The following BAZ1B variants were observed in gnomAD, a reference collection of about 807,000 sequenced individuals.
The protein encoded by BAZ1B is bromodomain adjacent to zinc finger domain 1B.
A neutral mutation model predicts 153.8 loss-of-function variants in BAZ1B; 22 were observed. The ratio of observed to expected loss-of-function variants is 0.14; its 90% confidence interval spans 0.10 to 0.20. The LOEUF is 0.20. Among genes scored for constraint, BAZ1B ranks in the 10% least tolerant of loss-of-function variants. The pLI, the probability that BAZ1B is intolerant of heterozygous loss-of-function variation, is 1.00. For missense variants in BAZ1B, 1,325 were observed against 1,799.3 expected (o/e 0.74, Z 4.77); for synonymous variants, 676 against 633.4 (o/e 1.07, Z -1.01).
rs142198446 is a variant in BAZ1B at position 73,450,609 on chromosome 7, A to G, written c.3580+238T>C. On this transcript the variant is annotated intron_variant, in intron 14 of 19. Coordinates refer to ENST00000339594, the MANE Select transcript of BAZ1B (RefSeq NM_032408.4). The surrounding 1 kb of genome is among the most constrained non-coding windows in gnomAD (Gnocchi z 4.1). Reference sequence around the variant, plus strand: ...AATTTTGTTTTCTGTAAAAAATCAGAAGATTGAAGAGATCAATTGCTTTTA... The same window carrying G: ...AATTTTGTTTTCTGTAAAAAATCAGGAGATTGAAGAGATCAATTGCTTTTA... 2.8e-3 allele frequency among the ~76,000 whole-genome samples: 429 copies of G among 152,346 alleles called. 2 individuals carry two copies. Among genetic ancestry groups the G allele is most frequent in the African/African-American group, 0.01 (419 of 41,584 alleles).
chr7:73,455,113 C>T (rs1160221663), intron 13 of BAZ1B, among the ~76,000 whole-genome samples: 5 of 151,932 alleles, frequency 3.3e-5, no homozygotes, highest in Admixed American at 3.3e-4. Context: ...TCTCGAACTC[C>T]TGACCTCAAG....
At chr7:73,489,518 A>G (rs1168334306) in intron 5 of BAZ1B, 127 bp from the exon 6 acceptor site, 1 of 909,478 alleles carries the variant, frequency 1.1e-6, no homozygotes, top group Non-Finnish European at 1.7e-6. Context: ...TACAAATTAG[A>G]AAGAAAAATA....
At chr7:73,452,799 C>T (rs1318792491) in intron 13 of BAZ1B, among the ~76,000 whole-genome samples, 1 of 151,436 alleles carries the variant, frequency 6.6e-6, no homozygotes. Flanking sequence ...CAGATAAAAC[C>T]ATCATAAATT....
rs1787980061 is a variant in BAZ1B at position 73,450,053 on chromosome 7, T to C, written c.3581-364A>G. Reference sequence around the variant, plus strand: ...GCCTGATGAGTGTTCTCTCTCTCTCTTTTTTTTTTTTGGAGACAGAGTCTT... The same window carrying C: ...GCCTGATGAGTGTTCTCTCTCTCTCCTTTTTTTTTTTGGAGACAGAGTCTT... On this transcript the variant is annotated intron_variant, in intron 14 of 19. Transcript: ENST00000339594. The surrounding 1 kb of genome is among the most constrained non-coding windows in gnomAD (Gnocchi z 4.1). 7.7e-6 allele frequency among the ~76,000 whole-genome samples: 1 copy of C among 130,120 alleles called. No homozygotes were observed. Among genetic ancestry groups the C allele is most frequent in the South Asian group, 2.3e-4 (1 of 4,378 alleles). The allele number at this position is 130,120 out of a possible 152,430, so 85.4% of individuals were successfully genotyped here. A position where few individuals can be genotyped will look rare whatever the true frequency, so the allele number is the denominator to read the frequency against.
At chr7:73,462,630 T>C (rs1397779127) in intron 12 of BAZ1B, 2 of 360,930 alleles carry the variant, frequency 5.5e-6, no homozygotes, top group Non-Finnish European at 1.0e-5. Context: ...AGATGTTAAA[T>C]GATGCTATAC....
chr7:73,511,383 T>C (rs1052515443), intron 1 of BAZ1B, among the ~76,000 whole-genome samples: 6 of 151,932 alleles, frequency 3.9e-5, no homozygotes, highest in Non-Finnish European at 8.8e-5. Flanking sequence ...GCATGGGATT[T>C]ACAGACTGGG....
intron 8 of BAZ1B, among the ~76,000 whole-genome samples, chr7:73,470,116 T>G (rs554652168): frequency 6.6e-6 from 1 of 152,222 alleles, no homozygotes; most frequent in East Asian, 1.9e-4. Flanking sequence ...ATCACCATCA[T>G]GTAAGCTTCC....
chr7:73,510,890 C>T (rs1554578481), intron 1 of BAZ1B, 38 bp from the exon 2 acceptor site: 2 of 1,547,610 alleles, frequency 1.3e-6, no homozygotes, highest in South Asian at 1.1e-5. Context: ...ATGCAAGCAA[C>T]AGAGACGACA....
Position 73,461,571 on chromosome 7 carries a change from A to G in BAZ1B, c.3249+1351T>C, listed in dbSNP as rs545092921. ...ATAATTCTTTTTAAAAAAATCATTA[A>G]GAACCATAAAGATGTTTAAATCCTT... On this transcript the variant is annotated intron_variant, in intron 12 of 19. Transcript: ENST00000339594. 9.2e-5 allele frequency among the ~76,000 whole-genome samples: 14 copies of G among 152,356 alleles called. No homozygotes were observed. The South Asian group carries it at 2.9e-3, about 32-fold the overall frequency.
intron 3 of BAZ1B, among the ~76,000 whole-genome samples, chr7:73,505,299 C>A (rs1452456415): frequency 6.6e-6 from 1 of 152,122 alleles, no homozygotes; most frequent in Non-Finnish European, 1.5e-5. Flanking sequence ...TTTTTCACAA[C>A]TCAGGGGACA....
intron 6 of BAZ1B, among the ~76,000 whole-genome samples, chr7:73,485,051 C>T (rs1293807264): frequency 1.3e-5 from 2 of 152,058 alleles, no homozygotes; most frequent in South Asian, 4.2e-4. Flanking sequence ...ATGTTAACTT[C>T]CTGATTTTGA....
rs201245049 is a variant in BAZ1B at position 73,499,336 on chromosome 7, A to T, written c.370-638T>A. On this transcript the variant is annotated intron_variant, in intron 3 of 19. Coordinates refer to ENST00000339594, the MANE Select transcript of BAZ1B (RefSeq NM_032408.4). The stretch of plus-strand genomic sequence containing the variant: ...AGCCACGGTGCCTGGCCTACATTTT[A>T]AAAAAAAGAAATCAACTGTATATGG... 3.4e-5 allele frequency among the ~76,000 whole-genome samples: 5 copies of T among 147,946 alleles called. No individual in the cohort carries two copies. The East Asian group carries it at 7.7e-4, about 23-fold the overall frequency.
At chr7:73,493,043 T>C (rs911785074) in intron 4 of BAZ1B, 122 bp from the exon 5 acceptor site, 5 of 1,016,848 alleles carry the variant, frequency 4.9e-6, no homozygotes, top group Non-Finnish European at 7.0e-6. Flanking sequence ...AGTACAAAAA[T>C]GAATCATAAT....
intron 7 of BAZ1B, among the ~76,000 whole-genome samples, 199 bp from the exon 8 acceptor site, chr7:73,470,682 G>A (rs2116315725): frequency 6.6e-6 from 1 of 152,216 alleles, no homozygotes. Context: ...TGAATTTGTG[G>A]TGACATCTCA....
At chr7:73,442,643 T>C in intron 18 of BAZ1B, 82 bp downstream of exon 18, 3 of 1,548,038 alleles carry the variant, frequency 1.9e-6, no homozygotes, top group South Asian at 1.2e-5. Context: ...AGGGCTTGGC[T>C]GAGAGCCCCT....
intron 1 of BAZ1B, among the ~76,000 whole-genome samples, chr7:73,516,908 T>C (rs1295741253): frequency 2.6e-5 from 4 of 150,964 alleles, no homozygotes; most frequent in African/African-American, 9.7e-5. Flanking sequence ...AGGCTGGGCA[T>C]GGTGGCTCAC....
chr7:73,494,774 T>TGTA (rs1789807668), intron 4 of BAZ1B, among the ~76,000 whole-genome samples: 2 of 152,132 alleles, frequency 1.3e-5, no homozygotes, highest in South Asian at 4.1e-4. Context: ...TCTGAACTAA[T>TGTA]GTAACTGTAA....
intron 6 of BAZ1B, among the ~76,000 whole-genome samples, chr7:73,484,263 A>C (rs1789311186): frequency 6.6e-6 from 1 of 151,872 alleles, no homozygotes; most frequent in African/African-American, 2.4e-5. Flanking sequence ...AGACTCTGTC[A>C]AAGGAAGGAA....
At chr7:73,442,156 TG>T in intron 19 of BAZ1B, 24 bp downstream of exon 19, 2 of 332,020 alleles carry the variant, frequency 6.0e-6, no homozygotes, top group Non-Finnish European at 1.2e-5. Context: ...CCTCCCTAGC[TG>T]TCCCCCCACC....
Sources: allele counts gnomAD v4.1 joint callset (sites outside exome capture counted in the v4.1 genomes callset), GRCh38; gene constraint gnomAD v4.1.1; non-coding constraint Gnocchi (gnomAD v3.1); transcripts MANE v1.5; gene names NCBI Gene and HGNC (gene_info 2026-07-23, HGNC 2026-07-21).